GIN1: variants seen among roughly 807,000 people sequenced by gnomAD.
GIN1 encodes the protein gypsy retrotransposon integrase 1.
In GIN1, 41 loss-of-function variants were observed where a neutral mutation model predicts 51.4. That is an observed-to-expected ratio of 0.80 (90% CI 0.62 to 1.04). The LOEUF is 1.04. GIN1 is among the 50% of genes least tolerant of loss of function. The pLI is 0.00. For missense variants in GIN1, 610 were observed against 612.4 expected (o/e 1.00, Z 0.04); for synonymous variants, 222 against 206.5 (o/e 1.07, Z -0.64).
In GIN1 at chr5:103,096,787, T is replaced by A. The variant is rs754528315; in HGVS notation, c.1048A>T (p.Ile350Phe). 1 of 1,606,196 alleles carries A rather than the reference T, an allele frequency of 6.2e-7. No individual in the cohort carries two copies. The highest frequency in any genetic ancestry group is 2.2e-5 in the East Asian group (1 of 44,818). ...NNLDELNKSKIIVKKKPKQLN... is the reference protein window; with the variant it reads ...NNLDELNKSKFIVKKKPKQLN... ...TGTTTGGGTTTCTTTTTAACAATGATCTTGCTTTTATTTAGTTCATCCAAA... is the reference window on the plus strand; with the variant it reads ...TGTTTGGGTTTCTTTTTAACAATGAACTTGCTTTTATTTAGTTCATCCAAA... Residue 350 changes from isoleucine to phenylalanine, a missense_variant, in exon 7 of 8, where the codon ATC becomes TTC. Coordinates refer to ENST00000399004, the MANE Select transcript of GIN1 (RefSeq NM_017676.2).
Position 103,111,345 on chromosome 5 carries a change from T to G in GIN1, c.-7-2631A>C, listed in dbSNP as rs183831534. ...TATACATACTGTAAAATTAATAATA[T>G]ACTACATATAACCTCCTGTTATAGT... On this transcript the variant is annotated intron_variant, in intron 1 of 7. Transcript: ENST00000399004. Among the ~76,000 whole-genome samples the G allele has an allele frequency of 5.9e-4, 90 of 152,296 alleles. 1 individual carries two copies. Among genetic ancestry groups the G allele is most frequent in the East Asian group, 5.8e-4 (3 of 5,186 alleles).
chr5:103,097,886 T>A (rs1787453618), intron 4 of GIN1, 105 bp from the exon 5 acceptor site: 1 of 601,802 alleles, frequency 1.7e-6, no homozygotes, highest in Non-Finnish European at 2.9e-6. Context: ...CTTTTATTTA[T>A]CTATTTATTT....
In GIN1 at chr5:103,097,587, TA is replaced by T; in HGVS notation, c.831+2del. 6.3e-7 allele frequency: 1 copy of T among 1,589,352 alleles called. No individual in the cohort carries two copies. Among genetic ancestry groups the T allele is most frequent in the Non-Finnish European group, 8.6e-7 (1 of 1,158,216 alleles). On this transcript the variant is annotated splice_donor_variant, in intron 5 of 7. Transcript: ENST00000399004. LOFTEE classifies it high-confidence loss of function. ...AAGTACAGAATTATAAAAAGGCACA[TA>T]CCAAGTGAGTTACATTGAAGGCAAA...
intron 7 of GIN1, 134 bp from the exon 8 acceptor site, chr5:103,088,306 T>C (rs1304222994): frequency 5.6e-6 from 3 of 532,456 alleles, no homozygotes; most frequent in Non-Finnish European, 9.7e-6. Context: ...TAGGGAGTTA[T>C]ACTGTCTACT....
chr5:103,095,841 T>C lies in GIN1; in HGVS notation c.1294+700A>G, dbSNP rs551674617. Among the ~76,000 whole-genome samples, 7 of 151,892 alleles carry C rather than the reference T, an allele frequency of 4.6e-5. No individual in the cohort carries two copies. The East Asian group carries it at 1.4e-3, about 30-fold the overall frequency. On this transcript the variant is annotated intron_variant, in intron 7 of 7. Transcript: ENST00000399004. ...TGGGAGGCTGAGGCACAAGAATTGC[T>C]TGAACCCAGGAAGCAGAAGTTGCAG...
chr5:103,086,782 C>T lies in GIN1; in HGVS notation c.*1116G>A, dbSNP rs1452555068. On this transcript the variant is annotated 3_prime_UTR_variant, in exon 8 of 8. Coordinates refer to ENST00000399004, the MANE Select transcript of GIN1 (RefSeq NM_017676.2). Reference sequence around the variant, plus strand: ...GTTTATTACCTACCAGACAGTAAGTCCTTTATAAGAATGAGGTACACGTTT... The same window carrying T: ...GTTTATTACCTACCAGACAGTAAGTTCTTTATAAGAATGAGGTACACGTTT... 1 of 152,154 alleles carries T rather than the reference C, an allele frequency of 6.6e-6. No individual in the cohort carries two copies. Among genetic ancestry groups the T allele is most frequent in the Non-Finnish European group, 1.5e-5 (1 of 68,036 alleles). 9.4% of individuals were successfully genotyped at this position (152,154 alleles called of 1,614,324 possible).
At chr5:103,106,276 C>G (rs574857999) in intron 3 of GIN1, among the ~76,000 whole-genome samples, 1 of 152,222 alleles carries the variant, frequency 6.6e-6, no homozygotes, top group African/African-American at 2.4e-5. Flanking sequence ...TTTTGGGTTT[C>G]TGTCATGTAT....
At chr5:103,117,665 T>G (rs1788080533) in intron 1 of GIN1, among the ~76,000 whole-genome samples, 1 of 152,074 alleles carries the variant, frequency 6.6e-6, no homozygotes, top group African/African-American at 2.4e-5. Context: ...TAACAAAGCA[T>G]TTCTCAGAAT....
chr5:103,106,926 C>A lies in GIN1; in HGVS notation c.140-17G>T. ...GCTTTTTTTCTGGAATAAATGATAC[C>A]AAAAGATAGAATTGCAATTTTTAGA... is the stretch of plus-strand genomic sequence containing the variant. On this transcript the variant is annotated splice_polypyrimidine_tract_variant and intron_variant, in intron 2 of 7. Transcript: ENST00000399004. 7.1e-7 allele frequency: 1 copy of A among 1,407,086 alleles called. No homozygotes were observed. The highest frequency in any genetic ancestry group is 1.3e-5 in the South Asian group (1 of 74,780). The allele number at this position is 1,407,086 out of a possible 1,614,324, so 87.2% of individuals were successfully genotyped here.
At chr5:103,107,933 T>G (rs1348279018) in intron 2 of GIN1, among the ~76,000 whole-genome samples, 1 of 152,068 alleles carries the variant, frequency 6.6e-6, no homozygotes, top group African/African-American at 2.4e-5. Flanking sequence ...AACACAAACA[T>G]TCATTCAATT....
chr5:103,107,056 AATG>A, intron 2 of GIN1, 147 bp from the exon 3 acceptor site: 1 of 557,458 alleles, frequency 1.8e-6, no homozygotes. Flanking sequence ...ATTTATTTTT[AATG>A]ATGCTACAAC....
chr5:103,086,219 T>C lies in GIN1; in HGVS notation c.*1679A>G, dbSNP rs1418571140. 1.3e-5 allele frequency: 2 copies of C among 152,212 alleles called. No homozygotes were observed. The allele number at this position is 152,212 out of a possible 1,614,324, so 9.4% of individuals were successfully genotyped here. On this transcript the variant is annotated 3_prime_UTR_variant, in exon 8 of 8. Transcript: ENST00000399004. ...TCACATGGCATTCTCCTTGAGTCTGTGTTCAAATTTTCCCCTTTTATCAGA... is the reference window on the plus strand; with the variant it reads ...TCACATGGCATTCTCCTTGAGTCTGCGTTCAAATTTTCCCCTTTTATCAGA...
intron 1 of GIN1, among the ~76,000 whole-genome samples, chr5:103,109,274 T>C (rs1313869840): frequency 2.0e-5 from 3 of 152,044 alleles, no homozygotes; most frequent in Non-Finnish European, 2.9e-5. Context: ...CTCCATTAAA[T>C]TTTCTTTAAA....
At chr5:103,100,924 G>C (rs1221969554) in intron 4 of GIN1, among the ~76,000 whole-genome samples, 3 of 152,074 alleles carry the variant, frequency 2.0e-5, no homozygotes, top group Non-Finnish European at 4.4e-5. Flanking sequence ...TTTCCTATCA[G>C]ATCTGATAAC....
chr5:103,116,493 TA>T (rs1469160145), intron 1 of GIN1, among the ~76,000 whole-genome samples: 116 of 152,226 alleles, frequency 7.6e-4, no homozygotes, highest in African/African-American at 2.7e-3. Context: ...CTCACAGATC[TA>T]AATGTACAAC....
At chr5:103,096,975 C>CA (rs1787413737) in intron 6 of GIN1, 149 bp from the exon 7 acceptor site, 1 of 626,336 alleles carries the variant, frequency 1.6e-6, no homozygotes, top group African/African-American at 1.8e-5. Context: ...TAAAACATTT[C>CA]AAAGTCAGTA....
At chr5:103,088,321 A>G (rs1787137655) in intron 7 of GIN1, 149 bp from the exon 8 acceptor site, 1 of 497,906 alleles carries the variant, frequency 2.0e-6, no homozygotes, top group Middle Eastern at 5.2e-4. Context: ...TCTACTAAAT[A>G]TGAATGTCAA....
At chr5:103,100,407 T>TTATTA (rs1562329803) in intron 4 of GIN1, among the ~76,000 whole-genome samples, 5 of 149,574 alleles carry the variant, frequency 3.3e-5, no homozygotes, top group Admixed American at 6.6e-5. Flanking sequence ...TATTATTATT[T>TTATTA]TTTTGAGACA....
chr5:103,096,883 G>T, intron 6 of GIN1, 57 bp from the exon 7 acceptor site: 2 of 1,086,528 alleles, frequency 1.8e-6, no homozygotes, highest in South Asian at 2.9e-5. Context: ...TATCTTGAAG[G>T]TAAATGCAAA....
Sources: gnomAD v4.1 joint callset for allele counts (sites outside exome capture counted in the v4.1 genomes callset) on GRCh38, gnomAD v4.1.1 for gene constraint, MANE v1.5 for transcripts, NCBI Gene and HGNC (gene_info 2026-07-23, HGNC 2026-07-21) for gene names.